MRPL28: variants seen among roughly 807,000 people sequenced by gnomAD.
MRPL28 encodes large ribosomal subunit protein bL28m.
MRPL28 carries 25 observed loss-of-function variants against 26.2 expected under a neutral mutation model. The observed-to-expected ratio is 0.95, with a 90% CI of 0.69 to 1.33. MRPL28 has a LOEUF of 1.33. Among genes scored for constraint, MRPL28 ranks in the 40% most tolerant of loss-of-function variants. The pLI is 0.00. For missense variants in MRPL28, 432 were observed against 327.2 expected, an observed-to-expected ratio of 1.32 and a Z score of -2.47; for synonymous variants, 227 against 140.1, an observed-to-expected ratio of 1.62 and a Z score of -4.38.
Position 369,077 on chromosome 16 carries a change from G to A in MRPL28, c.432C>T (p.Tyr144=), listed in dbSNP as rs2054290051. ...GCCCCACCCCGCTTGCCTTGAGGAT[G>A]TAAAAGTCGAGCCCATAAGCCTCAT... ...LIDEAYGLDF[Y]ILKTPKEDLC... The change falls in exon 3 of 6, where the codon TAC becomes TAT. Residue 144 remains tyrosine (Y), a synonymous_variant. Transcript: ENST00000199706. 4.3e-6 allele frequency: 7 copies of A among 1,613,692 alleles called. No homozygotes were observed. The highest frequency in any genetic ancestry group is 5.9e-6 in the Non-Finnish European group (7 of 1,179,882).
At position 368,415 on chromosome 16, in the gene MRPL28, C is replaced by G. The variant is rs377644801; in HGVS notation, c.577-1G>C. 7 of 1,613,716 alleles carry G rather than the reference C, an allele frequency of 4.3e-6. No individual in the cohort carries two copies. Among genetic ancestry groups the G allele is most frequent in the Non-Finnish European group, 5.9e-6 (7 of 1,179,968 alleles). On this transcript the variant is annotated splice_acceptor_variant, in intron 4 of 5. Coordinates refer to ENST00000199706, the MANE Select transcript of MRPL28 (RefSeq NM_006428.5). LOFTEE classifies it high-confidence loss of function. ...CCTCCTCCTCTGGGATGGCAAATTC[C>G]TAGGCAGGCAGAGATGGAAAGGGCA...
In MRPL28 at chr16:369,315, C is replaced by T. The variant is rs868106302; in HGVS notation, c.289-95G>A. The T allele has an allele frequency of 8.6e-5, 127 of 1,471,110 alleles. No individual in the cohort carries two copies. The Middle Eastern group carries it at 1.5e-3, about 17-fold the overall frequency. 91.1% of individuals were successfully genotyped at this position (1,471,110 alleles called of 1,614,324 possible). Reference sequence around the variant, plus strand: ...TGCCCTCACCTCCCCCCCGGAGGCTCCATCACAGAACCACTGCTGTCAGAC... The same window carrying T: ...TGCCCTCACCTCCCCCCCGGAGGCTTCATCACAGAACCACTGCTGTCAGAC... On this transcript the variant is annotated intron_variant, in intron 2 of 5. Coordinates refer to ENST00000199706, the MANE Select transcript of MRPL28 (RefSeq NM_006428.5).
At position 370,270 on chromosome 16, in the gene MRPL28, C is replaced by G. The variant is rs780607670; in HGVS notation, c.-7-45G>C. 6 of 1,478,698 alleles carry G rather than the reference C, an allele frequency of 4.1e-6. No individual in the cohort carries two copies. The South Asian group carries it at 8.0e-5, about 20-fold the overall frequency. 91.6% of individuals were successfully genotyped at this position (1,478,698 alleles called of 1,614,324 possible). On this transcript the variant is annotated intron_variant, in intron 1 of 5. Coordinates refer to ENST00000199706, the MANE Select transcript of MRPL28 (RefSeq NM_006428.5). Reference sequence around the variant, plus strand: ...CGCAGTCAGTCGCAGCCTGGCCAGGCCCCCGGCACTCACCCCCTACCCCGG... The same window carrying G: ...CGCAGTCAGTCGCAGCCTGGCCAGGGCCCCGGCACTCACCCCCTACCCCGG...
chr16:369,339 A>G, intron 2 of MRPL28, 119 bp from the exon 3 acceptor site: 1 of 1,325,726 alleles, frequency 7.5e-7, no homozygotes, highest in Non-Finnish European at 1.0e-6. Flanking sequence ...CTGCTGTCAG[A>G]CTGGGGACCT....
Position 368,388 on chromosome 16 carries a change from T to G in MRPL28, c.603A>C (p.Ala201=). The G allele has an allele frequency of 6.2e-7, 1 of 1,613,784 alleles. No individual in the cohort carries two copies. The highest frequency in any genetic ancestry group is 8.5e-7 in the Non-Finnish European group (1 of 1,180,002). Residue 201 remains alanine, a synonymous_variant, in exon 5 of 6, where the codon GCA becomes GCC. Transcript: ENST00000199706. ...CCTCCAGCGTGAGGCCCACCCACTCTGCCTCCTCCTCTGGGATGGCAAATT... is the reference window on the plus strand; with the variant it reads ...CCTCCAGCGTGAGGCCCACCCACTCGGCCTCCTCCTCTGGGATGGCAAATT... ...YKEFAIPEEE[A]EWVGLTLEEA...
rs1447529677 is a variant in MRPL28 at position 369,070 on chromosome 16, T to C, written c.439A>G (p.Lys147Glu). 1 of 1,613,336 alleles carries C rather than the reference T, an allele frequency of 6.2e-7. No homozygotes were observed. Among genetic ancestry groups the C allele is most frequent in the Non-Finnish European group, 8.5e-7 (1 of 1,179,820 alleles). ...EAYGLDFYIL[K>E]TPKEDLCSKF... ...CTGACTCGCCCCACCCCGCTTGCCT[T>C]GAGGATGTAAAAGTCGAGCCCATAA... The change falls in exon 3 of 6, where the codon AAG (lysine) becomes GAG (glutamate). Residue 147 changes from lysine to glutamate, a missense_variant and splice_region_variant. Coordinates refer to ENST00000199706, the MANE Select transcript of MRPL28 (RefSeq NM_006428.5).
chr16:367,574 C>G lies in MRPL28; in HGVS notation c.*101G>C. 1 of 1,041,026 alleles carries G rather than the reference C, an allele frequency of 9.6e-7. No individual in the cohort carries two copies. The highest frequency in any genetic ancestry group is 1.5e-6 in the Non-Finnish European group (1 of 684,152). 64.5% of individuals were successfully genotyped at this position (1,041,026 alleles called of 1,614,324 possible). A position where few individuals can be genotyped will look rare whatever the true frequency, so the allele number is the denominator to read the frequency against. On this transcript the variant is annotated 3_prime_UTR_variant, in exon 6 of 6. Coordinates refer to ENST00000199706, the MANE Select transcript of MRPL28 (RefSeq NM_006428.5). ...CACGAAACCAGGATCCACCCACTGCCCACCGGTGGCCCTCACAGCTCCCCG... is the reference window on the plus strand; with the variant it reads ...CACGAAACCAGGATCCACCCACTGCGCACCGGTGGCCCTCACAGCTCCCCG...
At position 370,027 on chromosome 16, in the gene MRPL28, G is replaced by A. The variant is rs1237883899; in HGVS notation, c.192C>T (p.Asp64=). 4.3e-6 allele frequency: 7 copies of A among 1,613,280 alleles called. No individual in the cohort carries two copies. Among genetic ancestry groups the A allele is most frequent in the East Asian group, 2.2e-5 (1 of 44,888 alleles). The change falls in exon 2 of 6, where the codon GAC becomes GAT. Residue 64 remains aspartate (D), a synonymous_variant. Transcript: ENST00000199706. Reference sequence around the variant, plus strand: ...GGGGAAAGTAGATGGGAATGGGCACGTCCTCCACACGCTCCCGCTGCCCGT... The same window carrying A: ...GGGGAAAGTAGATGGGAATGGGCACATCCTCCACACGCTCCCGCTGCCCGT... ...PKNGQRERVE[D]VPIPIYFPPE...
chr16:369,064 T>C lies in MRPL28; in HGVS notation c.441+4A>G. 1 of 1,613,048 alleles carries C rather than the reference T, an allele frequency of 6.2e-7. No homozygotes were observed. The highest frequency in any genetic ancestry group is 1.1e-5 in the South Asian group (1 of 91,066). On this transcript the variant is annotated splice_donor_region_variant and intron_variant, in intron 3 of 5. Coordinates refer to ENST00000199706, the MANE Select transcript of MRPL28 (RefSeq NM_006428.5). ...TGTGCACTGACTCGCCCCACCCCGCTTGCCTTGAGGATGTAAAAGTCGAGC... is the reference window on the plus strand; with the variant it reads ...TGTGCACTGACTCGCCCCACCCCGCCTGCCTTGAGGATGTAAAAGTCGAGC...
At chr16:368,701 C>A in intron 3 of MRPL28, 66 bp from the exon 4 acceptor site, 1 of 1,510,724 alleles carries the variant, frequency 6.6e-7, no homozygotes, top group Non-Finnish European at 8.8e-7. Flanking sequence ...CCAGCCAACC[C>A]ACCTGGCTCC....
chr16:369,717 C>G (rs998104817), intron 2 of MRPL28: 32 of 746,942 alleles, frequency 4.3e-5, no homozygotes, highest in Non-Finnish European at 7.0e-5. Flanking sequence ...GTTGCTCCCC[C>G]GGCCTGAGTC....
chr16:369,300 TC>T (rs1056361449), intron 2 of MRPL28, 80 bp from the exon 3 acceptor site: 38 of 1,520,432 alleles, frequency 2.5e-5, no homozygotes, highest in East Asian at 6.8e-5. Context: ...TGCCCTCACC[TC>T]CCCCCCGGAG....
chr16:370,250 T>C lies in MRPL28; in HGVS notation c.-7-25A>G. ...CCTGGCGGGAGGTGGGGGCTCGCAG[T>C]CAGTCGCAGCCTGGCCAGGCCCCCG... is the stretch of plus-strand genomic sequence containing the variant. On this transcript the variant is annotated intron_variant, in intron 1 of 5. Coordinates refer to ENST00000199706, the MANE Select transcript of MRPL28 (RefSeq NM_006428.5). The C allele has an allele frequency of 2.8e-6, 4 of 1,421,434 alleles. No homozygotes were observed. The East Asian group carries it at 1.1e-4, about 38-fold the overall frequency. The allele number at this position is 1,421,434 out of a possible 1,614,324, so 88.1% of individuals were successfully genotyped here.
rs768773539 is a variant in MRPL28 at position 369,904 on chromosome 16, G to GC, written c.288+26dup. The GC allele has an allele frequency of 1.9e-6, 3 of 1,589,348 alleles. No individual in the cohort carries two copies. In the Admixed American group the frequency reaches 5.1e-5, roughly 27 times the overall value. ...CCGGCACAGCCAAGCCCTGAGAGGA[G>GC]CCCCTGAAGGCCGCCTGCGGACCCA... On this transcript the variant is annotated intron_variant, in intron 2 of 5. Coordinates refer to ENST00000199706, the MANE Select transcript of MRPL28 (RefSeq NM_006428.5).
At chr16:368,203 C>G in intron 5 of MRPL28, 125 bp downstream of exon 5, 1 of 1,131,080 alleles carries the variant, frequency 8.8e-7, no homozygotes, top group South Asian at 1.4e-5. Context: ...TGCAGAGCAG[C>G]AGCTCTTCCC....
At position 370,267 on chromosome 16, in the gene MRPL28, A is replaced by AGGCCCCCGGCACTCACCCCCTACCCC. The variant is rs2054312832; in HGVS notation, c.-7-68_-7-43dup. 6 of 933,346 alleles carry AGGCCCCCGGCACTCACCCCCTACCCC rather than the reference A, an allele frequency of 6.4e-6. 1 individual carries two copies. Among genetic ancestry groups the AGGCCCCCGGCACTCACCCCCTACCCC allele is most frequent in the Non-Finnish European group, 5.4e-6 (4 of 747,156 alleles). The allele number at this position is 933,346 out of a possible 1,614,324, so 57.8% of individuals were successfully genotyped here. A position where few individuals can be genotyped will look rare whatever the true frequency, so the allele number is the denominator to read the frequency against. On this transcript the variant is annotated intron_variant, in intron 1 of 5. Coordinates refer to ENST00000199706, the MANE Select transcript of MRPL28 (RefSeq NM_006428.5). ...GCTCGCAGTCAGTCGCAGCCTGGCC[A>AGGCCCCCGGCACTCACCCCCTACCCC]GGCCCCCGGCACTCACCCCCTACCC...
In MRPL28 at chr16:367,717, C is replaced by T. The variant is rs144088218; in HGVS notation, c.729G>A (p.Leu243=). ...ELIQQLQQQA[L]SEPAVVQKRA... Reference sequence around the variant, plus strand: ...TCTTCTGCACCACCGCCGGCTCTGACAGTGCCTGCTGCTGCAGCTGCTGGA... The same window carrying T: ...TCTTCTGCACCACCGCCGGCTCTGATAGTGCCTGCTGCTGCAGCTGCTGGA... The change falls in exon 6 of 6, where the codon CTG becomes CTA. Residue 243 remains leucine, a synonymous_variant. Coordinates refer to ENST00000199706, the MANE Select transcript of MRPL28 (RefSeq NM_006428.5). 3 of 1,613,892 alleles carry T rather than the reference C, an allele frequency of 1.9e-6. No homozygotes were observed. Among genetic ancestry groups the T allele is most frequent in the Non-Finnish European group, 2.5e-6 (3 of 1,180,026 alleles).
At chr16:368,119 A>C (rs1406678540) in intron 5 of MRPL28, among the ~76,000 whole-genome samples, 1 of 152,074 alleles carries the variant, frequency 6.6e-6, no homozygotes, top group East Asian at 1.9e-4. Flanking sequence ...CACTCCTCCT[A>C]CTGAGGGTCC....
In MRPL28 at chr16:368,344, C is replaced by T; in HGVS notation, c.647G>A (p.Arg216Lys). 6.2e-7 allele frequency: 1 copy of T among 1,613,686 alleles called. No individual in the cohort carries two copies. Among genetic ancestry groups the T allele is most frequent in the South Asian group, 1.1e-5 (1 of 91,082 alleles). The change falls in exon 5 of 6, where the codon AGA (arginine) becomes AAA (lysine). Residue 216 changes from arginine (R) to lysine (K), a missense_variant. Coordinates refer to ENST00000199706, the MANE Select transcript of MRPL28 (RefSeq NM_006428.5). ...CACACTCACCTTCTCCTCCAAAAGTCTCTGCTTCTCAATGGCCTCCTCCAG... is the reference window on the plus strand; with the variant it reads ...CACACTCACCTTCTCCTCCAAAAGTTTCTGCTTCTCAATGGCCTCCTCCAG... Reference protein sequence around the residue: ...LTLEEAIEKQRLLEEKDPVPL... With the variant: ...LTLEEAIEKQKLLEEKDPVPL...
Sources: allele counts gnomAD v4.1 joint callset (sites outside exome capture counted in the v4.1 genomes callset), GRCh38; gene constraint gnomAD v4.1.1; transcripts MANE v1.5; gene names NCBI Gene and HGNC (gene_info 2026-07-23, HGNC 2026-07-21).